The following MSRB3 variants were observed in gnomAD, a reference collection of about 807,000 sequenced individuals.
The protein encoded by MSRB3 is methionine-R-sulfoxide reductase B3.
A neutral mutation model predicts 21.0 loss-of-function variants in MSRB3; 13 were observed. The ratio of observed to expected loss-of-function variants is 0.62; its 90% CI spans 0.40 to 0.98. The LOEUF is 0.98. MSRB3 is among the 50% of genes least tolerant of loss of function. MSRB3 has a pLI of 0.00. For missense variants in MSRB3, 199 were observed against 230.3 expected, an observed-to-expected ratio of 0.86 and a Z score of 0.88; for synonymous variants, 87 against 88.6, an observed-to-expected ratio of 0.98 and a Z score of 0.10.
At chr12:65,450,514 G>T (rs1289053952) in intron 5 of MSRB3, among the ~76,000 whole-genome samples, 2 of 152,114 alleles carry the variant, frequency 1.3e-5, no homozygotes, top group East Asian at 1.9e-4. Flanking sequence ...AGAAACTAAG[G>T]GATGTATTGG....
chr12:65,364,895 A>G (rs549822918), intron 4 of MSRB3, among the ~76,000 whole-genome samples: 8 of 152,274 alleles, frequency 5.3e-5, no homozygotes, highest in Admixed American at 2.6e-4. Flanking sequence ...GAGTAGCTGT[A>G]TTCTTTTGAG....
intron 5 of MSRB3, among the ~76,000 whole-genome samples, chr12:65,390,600 T>C (rs1879429909): frequency 6.6e-6 from 1 of 152,198 alleles, no homozygotes; most frequent in Admixed American, 6.5e-5. Context: ...AGCAATTTGG[T>C]AATTGTTTAA....
intron 5 of MSRB3, among the ~76,000 whole-genome samples, chr12:65,425,048 T>TAA (rs368731964): frequency 3.4e-3 from 221 of 64,354 alleles, no homozygotes; most frequent in Middle Eastern, 0.013. Context: ...TATATGTATA[T>TAA]TATATATATT....
chr12:65,397,861 TG>T (rs1302094914), intron 5 of MSRB3, among the ~76,000 whole-genome samples: 1 of 152,224 alleles, frequency 6.6e-6, no homozygotes, highest in Non-Finnish European at 1.5e-5. Flanking sequence ...ATGCAGTGTT[TG>T]GTTTTCTGTT....
At chr12:65,297,495 A>G (rs551073999) in intron 1 of MSRB3, among the ~76,000 whole-genome samples, 2 of 152,368 alleles carry the variant, frequency 1.3e-5, no homozygotes, top group East Asian at 3.9e-4. Flanking sequence ...TCATCAGAAC[A>G]TTATATTTAT....
chr12:65,336,537 A>G (rs1390582379), intron 4 of MSRB3, among the ~76,000 whole-genome samples: 1 of 152,210 alleles, frequency 6.6e-6, no homozygotes, highest in Non-Finnish European at 1.5e-5. Context: ...TCTTCAGTTA[A>G]TTTTCCAAAT....
chr12:65,363,547 C>T (rs1480949367), intron 4 of MSRB3, among the ~76,000 whole-genome samples: 1 of 152,094 alleles, frequency 6.6e-6, no homozygotes, highest in Admixed American at 6.6e-5. Context: ...TTCTGGCTTA[C>T]AATTCATGAA....
chr12:65,413,921 A>T (rs1364320824), intron 5 of MSRB3, among the ~76,000 whole-genome samples: 1 of 152,178 alleles, frequency 6.6e-6, no homozygotes, highest in East Asian at 1.9e-4. Flanking sequence ...GAAGCTGACA[A>T]TGTAGATATT....
At chr12:65,366,992 C>A (rs555095471) in intron 4 of MSRB3, among the ~76,000 whole-genome samples, 5 of 152,194 alleles carry the variant, frequency 3.3e-5, no homozygotes, top group Non-Finnish European at 1.5e-5. Flanking sequence ...AAGTGACAGA[C>A]AGACACTGGA....
intron 5 of MSRB3, among the ~76,000 whole-genome samples, chr12:65,441,717 G>A (rs1408297667): frequency 6.6e-6 from 1 of 151,910 alleles, no homozygotes; most frequent in Non-Finnish European, 1.5e-5. Context: ...AGAGCATTGG[G>A]GGTTGGCAAA....
At chr12:65,314,170 GA>G (rs1874155483) in intron 2 of MSRB3, among the ~76,000 whole-genome samples, 1 of 152,002 alleles carries the variant, frequency 6.6e-6, no homozygotes, top group Non-Finnish European at 1.5e-5. Context: ...TCTATAAACT[GA>G]AACAAGTTTT....
chr12:65,322,660 CAAAAAAAAAAAAAA>C lies in MSRB3; in HGVS notation c.77-4158_77-4145del, dbSNP rs34770864. Among the ~76,000 whole-genome samples the C allele has an allele frequency of 1.8e-4, 16 of 87,592 alleles. No homozygotes were observed. In the South Asian group the frequency reaches 6.4e-3, roughly 35 times the overall value. The allele number at this position is 87,592 out of a possible 152,430, so 57.5% of individuals were successfully genotyped here. On this transcript the variant is annotated intron_variant, in intron 2 of 6. Transcript: ENST00000308259. ...TGGGTGACAGAGCGAGACTCCATCT[CAAAAAAAAAAAAAA>C]AAAAAAAGAAGAAGAAAGAAAATAT...
chr12:65,328,341 A>G (rs938168954), intron 3 of MSRB3, among the ~76,000 whole-genome samples, 185 bp from the exon 4 acceptor site: 1 of 152,042 alleles, frequency 6.6e-6, no homozygotes, highest in Non-Finnish European at 1.5e-5. Context: ...GAGTAGTTAT[A>G]TGCACATTTT....
intron 2 of MSRB3, among the ~76,000 whole-genome samples, chr12:65,321,997 A>G (rs1470870157): frequency 1.3e-5 from 2 of 152,192 alleles, no homozygotes; most frequent in African/African-American, 4.8e-5. Context: ...ACCAAAATTA[A>G]AGTTATGGGA....
chr12:65,280,991 C>A (rs1452034702), intron 1 of MSRB3, among the ~76,000 whole-genome samples: 2 of 152,022 alleles, frequency 1.3e-5, no homozygotes, highest in Non-Finnish European at 2.9e-5. Context: ...CTTTGGGAGG[C>A]CAGTGTGGGA....
intron 4 of MSRB3, among the ~76,000 whole-genome samples, chr12:65,351,221 A>G (rs1346373788): frequency 1.3e-5 from 2 of 151,610 alleles, no homozygotes; most frequent in East Asian, 1.9e-4. Flanking sequence ...TACTGGATAC[A>G]TAACGAAATG....
chr12:65,394,057 A>T (rs982741652), intron 5 of MSRB3, among the ~76,000 whole-genome samples: 2 of 152,120 alleles, frequency 1.3e-5, no homozygotes, highest in Non-Finnish European at 2.9e-5. Context: ...TGGTGGAAAG[A>T]TTATCTAGTT....
chr12:65,450,962 T>A (rs1413882649), intron 5 of MSRB3, among the ~76,000 whole-genome samples: 2 of 152,218 alleles, frequency 1.3e-5, no homozygotes, highest in African/African-American at 4.8e-5. Flanking sequence ...AGTTTGATTG[T>A]CATTAAGTAC....
chr12:65,406,472 C>T (rs1449003101), intron 5 of MSRB3, among the ~76,000 whole-genome samples: 1 of 152,196 alleles, frequency 6.6e-6, no homozygotes. Flanking sequence ...ATCCTGTGTT[C>T]ATGGGTTGGA....
Sources: gnomAD v4.1 joint callset for allele counts (sites outside exome capture counted in the v4.1 genomes callset) on GRCh38, gnomAD v4.1.1 for gene constraint, MANE v1.5 for transcripts, NCBI Gene and HGNC (gene_info 2026-07-23, HGNC 2026-07-21) for gene names.